Variants in STK36 observed in about 807,000 individuals in gnomAD.
STK36 encodes the protein serine/threonine kinase 36, also known as serine/threonine-protein kinase 36.
Under a neutral mutation model 142.2 loss-of-function variants are expected in STK36, and 116 were observed. The observed-to-expected ratio is 0.82, with a 90% CI of 0.70 to 0.95. The LOEUF is 0.95. Among genes scored for constraint, STK36 ranks in the 40% least tolerant of loss-of-function variants. STK36 has a pLI of 0.00. For synonymous variants in STK36, 619 were observed against 641.7 expected (o/e 0.96, Z 0.53); for missense variants, 1,422 against 1,617.2 (o/e 0.88, Z 2.07).
At chr2:218,701,136 C>CTT (rs35602378) in intron 26 of STK36, among the ~76,000 whole-genome samples, 45 of 142,776 alleles carry the variant, frequency 3.2e-4, no homozygotes, top group Non-Finnish European at 3.7e-4. Flanking sequence ...TGGTGAAGAT[C>CTT]TTTTTTTTTT....
At chr2:218,674,282 A>T (rs1312940534) in intron 4 of STK36, among the ~76,000 whole-genome samples, 1 of 152,232 alleles carries the variant, frequency 6.6e-6, no homozygotes, top group East Asian at 1.9e-4. Context: ...AAGAGTGTTA[A>T]GTCATGTAAT....
intron 15 of STK36, 78 bp downstream of exon 15, chr2:218,692,371 C>T (rs998703836): frequency 6.3e-7 from 1 of 1,574,846 alleles, no homozygotes; most frequent in African/African-American, 1.4e-5. Flanking sequence ...ATTGCCATCA[C>T]CTAGATCGCA....
At chr2:218,685,617 G>C (rs903422869) in intron 11 of STK36, among the ~76,000 whole-genome samples, 1 of 152,090 alleles carries the variant, frequency 6.6e-6, no homozygotes, top group Admixed American at 6.5e-5. Flanking sequence ...TTGTACTACA[G>C]GTACACTAGT....
chr2:218,702,024 G>T lies in STK36; in HGVS notation c.*15G>T, dbSNP rs142584165. ...ATAGCATGTGATTCCAGATTCCTGCGGTCCAGCCTCCAACTTTGGTTGCCA... is the reference window on the plus strand; with the variant it reads ...ATAGCATGTGATTCCAGATTCCTGCTGTCCAGCCTCCAACTTTGGTTGCCA... On this transcript the variant is annotated 3_prime_UTR_variant, in exon 27 of 27. Transcript: ENST00000295709. The T allele has an allele frequency of 3.7e-6, 6 of 1,612,332 alleles. No homozygotes were observed. The African/African-American group carries it at 5.3e-5, about 14-fold the overall frequency.
At chr2:218,698,102 A>C in intron 25 of STK36, 101 bp downstream of exon 25, 1 of 1,485,802 alleles carries the variant, frequency 6.7e-7, no homozygotes, top group South Asian at 1.2e-5. Flanking sequence ...GGCCCCTGTA[A>C]GCATGGAACA....
intron 11 of STK36, among the ~76,000 whole-genome samples, chr2:218,686,402 C>T (rs1349866805): frequency 2.6e-5 from 4 of 152,024 alleles, no homozygotes; most frequent in Admixed American, 2.6e-4. Context: ...GGATTACAGG[C>T]GTGCACCACC....
At chr2:218,686,474 G>A (rs1336630995) in intron 11 of STK36, among the ~76,000 whole-genome samples, 3 of 151,982 alleles carry the variant, frequency 2.0e-5, no homozygotes, top group Admixed American at 2.0e-4. Context: ...GCCCAGGCTG[G>A]TCTGGAACTC....
In STK36 at chr2:218,702,000, T is replaced by C; in HGVS notation, c.3939T>C (p.His1313=). 1 of 1,613,824 alleles carries C rather than the reference T, an allele frequency of 6.2e-7. No homozygotes were observed. Among genetic ancestry groups the C allele is most frequent in the East Asian group, 2.2e-5 (1 of 44,882 alleles). ...TCATTCACCTCCTGAGGCCAGCCCA[T>C]AGCATGTGATTCCAGATTCCTGCGG... is the stretch of plus-strand genomic sequence containing the variant. ...RKLIHLLRPA[H]SM is the part of the protein sequence containing the mutation. The change falls in exon 27 of 27, where the codon CAT becomes CAC. Residue 1313 remains histidine (H), a synonymous_variant. Coordinates refer to ENST00000295709, the MANE Select transcript of STK36 (RefSeq NM_015690.5).
chr2:218,699,444 T>C, intron 26 of STK36, 96 bp downstream of exon 26: 1 of 1,501,932 alleles, frequency 6.7e-7, no homozygotes, highest in Non-Finnish European at 8.9e-7. Flanking sequence ...AATCGGGACA[T>C]GGAGAAACTT....
At chr2:218,688,960 G>T in intron 12 of STK36, 84 bp downstream of exon 12, 1 of 1,349,908 alleles carries the variant, frequency 7.4e-7, no homozygotes, top group East Asian at 2.5e-5. Context: ...ATCTCTCTTT[G>T]GTCTGACTGC....
Position 218,693,806 on chromosome 2 carries a change from G to T in STK36, c.2232G>T (p.Met744Ile), listed in dbSNP as rs1174320507. ...CCCTGGCCTTGGAATCCCTGTTTAT[G>T]TTGATTCAGGGCAAGGTAAGCCAGC... ...QEPLALESLF[M>I]LIQGKVKVVD... The change falls in exon 18 of 27, where the codon ATG becomes ATT. Residue 744 changes from methionine to isoleucine, a missense_variant. Met to Ile is a conservative substitution (Grantham distance 10, BLOSUM62 1). This residue lies in a region of STK36 where 962 missense variants were observed against 1,167.5 expected (regional missense o/e 0.82). Transcript: ENST00000295709. 1.2e-6 allele frequency: 2 copies of T among 1,614,028 alleles called. No individual in the cohort carries two copies. Among genetic ancestry groups the T allele is most frequent in the East Asian group, 2.2e-5 (1 of 44,890 alleles).
In STK36 at chr2:218,701,927, T is replaced by C; in HGVS notation, c.3866T>C (p.Leu1289Pro). The C allele has an allele frequency of 1.9e-6, 3 of 1,614,186 alleles. No individual in the cohort carries two copies. Among genetic ancestry groups the C allele is most frequent in the Non-Finnish European group, 2.5e-6 (3 of 1,180,022 alleles). Residue 1289 changes from leucine to proline, a missense_variant, in exon 27 of 27, where the codon CTG becomes CCG. Coordinates refer to ENST00000295709, the MANE Select transcript of STK36 (RefSeq NM_015690.5). ...LSLLSLGNQS[L>P]PHSSPRPASA... ...TTGCTCTCTCTGGGGAATCAGTCAC[T>C]GCCACACAGCAGTCCTAGGCCTGCC...
chr2:218,680,537 A>G, intron 9 of STK36, 66 bp from the exon 10 acceptor site: 1 of 1,335,972 alleles, frequency 7.5e-7, no homozygotes, highest in Non-Finnish European at 1.1e-6. Flanking sequence ...ACAGAGAGGG[A>G]CAAGTTAACG....
At chr2:218,673,535 C>A (rs1051150804) in intron 2 of STK36, 90 bp from the exon 3 acceptor site, 53 of 1,492,358 alleles carry the variant, frequency 3.6e-5, no homozygotes, top group Non-Finnish European at 4.4e-5. Flanking sequence ...ACTCTAAAAT[C>A]TGACTTCTGG....
At position 218,676,890 on chromosome 2, in the gene STK36, C is replaced by T. The variant is rs567756184; in HGVS notation, c.684+612C>T. ...TGGTCTTGATCTCCTGACCTCGTGACTCGCCTGCCTCAGCCTCCCAAAGTG... is the reference window on the plus strand; with the variant it reads ...TGGTCTTGATCTCCTGACCTCGTGATTCGCCTGCCTCAGCCTCCCAAAGTG... On this transcript the variant is annotated intron_variant, in intron 6 of 26. Transcript: ENST00000295709. 3.9e-5 allele frequency among the ~76,000 whole-genome samples: 6 copies of T among 152,154 alleles called. No individual in the cohort carries two copies. The South Asian group carries it at 1.2e-3, about 32-fold the overall frequency.
In STK36 at chr2:218,690,539, G is replaced by A. The variant is rs1344642; in HGVS notation, c.1748G>A (p.Arg583Gln). The A allele has an allele frequency of 0.44, 704,884 of 1,612,946 alleles. 159,073 individuals are homozygous for A. The highest frequency in any genetic ancestry group is 0.65 in the African/African-American group (48,718 of 74,906). The change falls in exon 14 of 27, where the codon CGG becomes CAG. Residue 583 changes from arginine (R) to glutamine (Q), a missense_variant. By Grantham distance (43) the Arg-to-Gln change is conservative (BLOSUM62 1). Coordinates refer to ENST00000295709, the MANE Select transcript of STK36 (RefSeq NM_015690.5). ...AQPDDSEQTL[R>Q]RDSLMCFTVL... is the part of the protein sequence containing the mutation. ...CCAGATGACTCTGAGCAGACTTTGC[G>A]GAGGGACAGCCTTATGGTAATCTGC...
chr2:218,697,360 A>C, intron 23 of STK36, 103 bp from the exon 24 acceptor site: 1 of 1,531,042 alleles, frequency 6.5e-7, no homozygotes, highest in East Asian at 2.3e-5. Context: ...CTGCTCTAAG[A>C]TGGGGAAGGG....
intron 26 of STK36, 29 bp downstream of exon 26, chr2:218,699,377 A>T: frequency 6.2e-7 from 1 of 1,600,074 alleles, no homozygotes; most frequent in Non-Finnish European, 8.5e-7. Context: ...ATGAACCATG[A>T]TGATCAGGGC....
chr2:218,673,328 ATT>A, intron 2 of STK36: 1 of 392,818 alleles, frequency 2.5e-6, no homozygotes, highest in Non-Finnish European at 4.5e-6. Flanking sequence ...TTTCCTCTTC[ATT>A]TTTTTTTTCC....
Sources: allele counts gnomAD v4.1 joint callset (sites outside exome capture counted in the v4.1 genomes callset), GRCh38; gene constraint gnomAD v4.1.1; regional missense constraint gnomAD v4.1.1; transcripts MANE v1.5; gene names NCBI Gene and HGNC (gene_info 2026-07-23, HGNC 2026-07-21).